The following SLC13A3 variants were observed in gnomAD, a reference collection of about 807,000 sequenced individuals.
SLC13A3 encodes the protein solute carrier family 13 member 3.
In SLC13A3, 40 loss-of-function variants were observed where a neutral mutation model predicts 59.0. That is an observed-to-expected ratio of 0.68 (90% CI 0.53 to 0.88). The LOEUF is 0.88. SLC13A3 is among the 40% of genes least tolerant of loss of function. SLC13A3 has a pLI of 0.00. For synonymous variants in SLC13A3, 317 were observed against 330.3 expected (o/e 0.96, Z 0.44); for missense variants, 699 against 783.2 (o/e 0.89, Z 1.28).
intron 1 of SLC13A3, among the ~76,000 whole-genome samples, chr20:46,649,934 CAGG>C (rs1259993409): frequency 6.6e-6 from 1 of 152,188 alleles, no homozygotes; most frequent in Non-Finnish European, 1.5e-5. Flanking sequence ...CTCCTTCTTC[CAGG>C]AGAAGCTCCC....
In SLC13A3 at chr20:46,651,389, C is replaced by G. The variant is rs1364264548; in HGVS notation, c.33G>C (p.Val11=). ...GCACCAGCAGCCGCCGCGCGCTCCACACCTTCTTGGCCGCTGCTGCCAGCG... is the reference window on the plus strand; with the variant it reads ...GCACCAGCAGCCGCCGCGCGCTCCAGACCTTCTTGGCCGCTGCTGCCAGCG... MAALAAAAKK[V]WSARRLLVLL... The change falls in exon 1 of 13, where the codon GTG becomes GTC. Residue 11 remains valine (V), a synonymous_variant. Transcript: ENST00000279027. The G allele has an allele frequency of 6.6e-7, 1 of 1,507,312 alleles. No homozygotes were observed. The highest frequency in any genetic ancestry group is 1.2e-5 in the South Asian group (1 of 80,076). 93.4% of individuals were successfully genotyped at this position (1,507,312 alleles called of 1,614,324 possible).
chr20:46,646,027 C>T (rs1196976882), intron 1 of SLC13A3, among the ~76,000 whole-genome samples: 1 of 152,144 alleles, frequency 6.6e-6, no homozygotes, highest in Non-Finnish European at 1.5e-5. Flanking sequence ...AGATTCACTC[C>T]ATTCTGGGGT....
intron 3 of SLC13A3, among the ~76,000 whole-genome samples, chr20:46,602,369 T>G (rs1358149944): frequency 6.6e-6 from 1 of 152,170 alleles, no homozygotes; most frequent in Non-Finnish European, 1.5e-5. Context: ...TAAAGTTATT[T>G]CTCTGCTTGA....
At chr20:46,594,919 C>T (rs1287378666) in intron 5 of SLC13A3, among the ~76,000 whole-genome samples, 1 of 152,056 alleles carries the variant, frequency 6.6e-6, no homozygotes, top group Non-Finnish European at 1.5e-5. Flanking sequence ...TGTGAAAATA[C>T]CTATAATGAC....
intron 1 of SLC13A3, among the ~76,000 whole-genome samples, chr20:46,680,441 A>G (rs2063148657): frequency 6.6e-6 from 1 of 152,352 alleles, no homozygotes; most frequent in Non-Finnish European, 1.5e-5. Context: ...TGTGGTGGAC[A>G]TGGATGTGCG....
intron 4 of SLC13A3, among the ~76,000 whole-genome samples, chr20:46,598,804 C>T (rs73908935): frequency 1.3e-5 from 2 of 152,012 alleles, no homozygotes; most frequent in Admixed American, 1.3e-4. Flanking sequence ...TCTCTCCCCC[C>T]CGAAGCCAAC....
At chr20:46,636,084 T>C (rs963875167) in intron 1 of SLC13A3, among the ~76,000 whole-genome samples, 1 of 152,188 alleles carries the variant, frequency 6.6e-6, no homozygotes. Flanking sequence ...TAACCACAAG[T>C]ATGCTCAGTT....
chr20:46,563,436 C>T lies in SLC13A3; in HGVS notation c.1610G>A (p.Gly537Glu). The T allele has an allele frequency of 6.2e-7, 1 of 1,613,974 alleles. No individual in the cohort carries two copies. The highest frequency in any genetic ancestry group is 8.5e-7 in the Non-Finnish European group (1 of 1,179,934). Residue 537 changes from glycine to glutamate, a missense_variant, in exon 12 of 13, where the codon GGA (glycine) becomes GAA (glutamate). Gly to Glu is a moderately conservative substitution (Grantham distance 98, BLOSUM62 -2). Coordinates refer to ENST00000279027, the MANE Select transcript of SLC13A3 (RefSeq NM_022829.6). ...CACCATGTCTTTGACCAGCAAGTGT[C>T]CAGAGGCGAAGGCGATGGAGTTGGG... ...TPPNSIAFASGHLLVKDMVRT... is the reference protein window; with the variant it reads ...TPPNSIAFASEHLLVKDMVRT...
chr20:46,656,593 T>G (rs533102860), intron 1 of SLC13A3, among the ~76,000 whole-genome samples: 4 of 146,832 alleles, frequency 2.7e-5, no homozygotes, highest in African/African-American at 7.6e-5. Context: ...TATTATACTG[T>G]ATATGATATA....
At chr20:46,591,197 C>T (rs6063007) in intron 6 of SLC13A3, among the ~76,000 whole-genome samples, 1,816 of 103,410 alleles carry the variant, frequency 0.018, 38 homozygotes, top group East Asian at 0.08. Context: ...AATAAATAAA[C>T]AAACAAACAA....
chr20:46,629,807 C>A (rs1264640231), intron 1 of SLC13A3, among the ~76,000 whole-genome samples: 1 of 152,156 alleles, frequency 6.6e-6, no homozygotes, highest in East Asian at 1.9e-4. Flanking sequence ...TGTAGGCAGG[C>A]AATTTTTAAA....
chr20:46,559,951 G>A lies in SLC13A3; in HGVS notation c.*71C>T. 1 of 1,429,820 alleles carries A rather than the reference G, an allele frequency of 7.0e-7. No homozygotes were observed. The highest frequency in any genetic ancestry group is 9.7e-7 in the Non-Finnish European group (1 of 1,026,498). 88.6% of individuals were successfully genotyped at this position (1,429,820 alleles called of 1,614,324 possible). A position where few individuals can be genotyped will look rare whatever the true frequency, so the allele number is the denominator to read the frequency against. The stretch of plus-strand genomic sequence containing the variant: ...AAAAGAATTATTTGATTGTTTTGTA[G>A]TGTCCTAGCAGCAGGTGATGGTGAC... On this transcript the variant is annotated 3_prime_UTR_variant, in exon 13 of 13. Transcript: ENST00000279027.
At chr20:46,662,027 T>C (rs1022181787) in intron 1 of SLC13A3, among the ~76,000 whole-genome samples, 3 of 152,214 alleles carry the variant, frequency 2.0e-5, no homozygotes, top group African/African-American at 7.2e-5. Context: ...CATTATAAGC[T>C]ACACAGAAGC....
At chr20:46,657,446 C>T (rs759790633) in intron 1 of SLC13A3, among the ~76,000 whole-genome samples, 1 of 151,688 alleles carries the variant, frequency 6.6e-6, no homozygotes, top group East Asian at 1.9e-4. Flanking sequence ...GGAACCTGGA[C>T]ATTTTGGGTA....
At chr20:46,583,498 C>T (rs2062159443) in intron 9 of SLC13A3, 74 bp downstream of exon 9, 2 of 1,578,828 alleles carry the variant, frequency 1.3e-6, no homozygotes, top group South Asian at 1.1e-5. Flanking sequence ...TGGGGGGCTC[C>T]AGGCCCTTGA....
At chr20:46,683,088 C>T (rs1254896309) in intron 1 of SLC13A3, among the ~76,000 whole-genome samples, 2 of 152,190 alleles carry the variant, frequency 1.3e-5, no homozygotes, top group East Asian at 3.8e-4. Context: ...CCTCTTGATA[C>T]TTGCAAAGAT....
intron 4 of SLC13A3, among the ~76,000 whole-genome samples, chr20:46,597,443 T>A (rs984446011): frequency 3.9e-5 from 6 of 152,176 alleles, no homozygotes; most frequent in African/African-American, 1.4e-4. Context: ...TTATTTTTAT[T>A]TTTCATTTTT....
intron 1 of SLC13A3, among the ~76,000 whole-genome samples, chr20:46,678,955 C>T (rs1291125131): frequency 1.3e-5 from 2 of 152,166 alleles, no homozygotes; most frequent in Non-Finnish European, 2.9e-5. Flanking sequence ...TCCTCCCCTT[C>T]TCTCTCTTGT....
At chr20:46,658,396 T>C (rs1193586513) in intron 1 of SLC13A3, among the ~76,000 whole-genome samples, 6 of 152,142 alleles carry the variant, frequency 3.9e-5, no homozygotes, top group African/African-American at 9.7e-5. Context: ...TATAGGGTGA[T>C]AGATGTGTTC....
Sources: allele counts gnomAD v4.1 joint callset (sites outside exome capture counted in the v4.1 genomes callset), GRCh38; gene constraint gnomAD v4.1.1; transcripts MANE v1.5; gene names NCBI Gene and HGNC (gene_info 2026-07-23, HGNC 2026-07-21).